LGSN: variants seen among roughly 807,000 people sequenced by gnomAD.
The protein encoded by LGSN is lengsin, lens protein with glutamine synthetase domain, also known as lengsin.
Under a neutral mutation model 19.5 loss-of-function variants are expected in LGSN, and 21 were observed. The observed-to-expected ratio is 1.07, with a 90% CI of 0.76 to 1.55. LGSN has a LOEUF of 1.55. Among genes scored for constraint, LGSN ranks in the 40% most tolerant of loss-of-function variants. LGSN has a pLI of 0.00. For synonymous variants in LGSN, 257 were observed against 215.6 expected, an observed-to-expected ratio of 1.19 and a Z score of -1.68; for missense variants, 673 against 608.5, an observed-to-expected ratio of 1.11 and a Z score of -1.12.
At chr6:63,536,506 G>A in the LGSN span, among the ~76,000 whole-genome samples, 10 of 152,062 alleles carry the variant, frequency 6.6e-5, no homozygotes, top group Non-Finnish European at 1.2e-4. Context: ...TTAAAACAGT[G>A]GTATTCAAAA....
Position 63,295,660 on chromosome 6 carries a change from T to C in LGSN, c.31-615A>G, listed in dbSNP as rs572791041. ...TATAGCTTAAGAAAATCTAAGGAAA[T>C]GCATTCAAAACAAAATAACCTAACT... is the stretch of plus-strand genomic sequence containing the variant. On this transcript the variant is annotated intron_variant, in intron 1 of 3. Transcript: ENST00000370657. 1.1e-4 allele frequency among the ~76,000 whole-genome samples: 16 copies of C among 152,240 alleles called. No individual in the cohort carries two copies. The South Asian group carries it at 3.1e-3, about 30-fold the overall frequency.
chr6:63,391,317 G>C, the LGSN span, among the ~76,000 whole-genome samples: 8 of 152,334 alleles, frequency 5.3e-5, no homozygotes, highest in African/African-American at 1.9e-4. Context: ...AAGAGGTTGT[G>C]TCTTAGCAAC....
chr6:63,282,316 A>G (rs1767350043), intron 3 of LGSN, among the ~76,000 whole-genome samples: 1 of 152,148 alleles, frequency 6.6e-6, no homozygotes, highest in South Asian at 2.1e-4. Context: ...ACACTCTAAC[A>G]ATCTGCAAGC....
chr6:63,331,697 C>T, the LGSN span, among the ~76,000 whole-genome samples: 1 of 152,200 alleles, frequency 6.6e-6, no homozygotes, highest in African/African-American at 2.4e-5. Context: ...AATAGCTGCA[C>T]TCACCTACGC....
chr6:63,412,396 A>G, the LGSN span, among the ~76,000 whole-genome samples: 1 of 138,028 alleles, frequency 7.2e-6, no homozygotes, highest in African/African-American at 3.2e-5. Flanking sequence ...GAGATGAAAG[A>G]AGGAAAGAAA....
the LGSN span, among the ~76,000 whole-genome samples, chr6:63,327,555 C>CT: frequency 1.3e-5 from 2 of 152,100 alleles, no homozygotes; most frequent in Admixed American, 1.3e-4. Flanking sequence ...ATTGGAGAGT[C>CT]GCTGCTGCCA....
the LGSN span, among the ~76,000 whole-genome samples, chr6:63,361,916 C>G: frequency 5.9e-3 from 895 of 152,252 alleles, 1 homozygote; most frequent in Non-Finnish European, 9.8e-3. Context: ...ATTATTTAAA[C>G]AATAAATATT....
At chr6:63,323,506 T>C (rs992074084), upstream of LGSN, among the ~76,000 whole-genome samples, 1 of 150,240 alleles carries the variant, frequency 6.7e-6, no homozygotes, top group African/African-American at 2.4e-5. Context: ...AATGGCATCA[T>C]TCTACTTATT....
the LGSN span, among the ~76,000 whole-genome samples, chr6:63,377,635 A>G: frequency 6.6e-6 from 1 of 152,152 alleles, no homozygotes; most frequent in Non-Finnish European, 1.5e-5. Flanking sequence ...CACTTGGGCC[A>G]GGCACGGTGG....
chr6:63,507,308 C>T, the LGSN span, among the ~76,000 whole-genome samples: 1 of 152,198 alleles, frequency 6.6e-6, no homozygotes, highest in Non-Finnish European at 1.5e-5. Flanking sequence ...ACTCCCCTCC[C>T]TTCATGAGGC....
At chr6:63,532,368 C>T in the LGSN span, among the ~76,000 whole-genome samples, 3 of 152,048 alleles carry the variant, frequency 2.0e-5, no homozygotes, top group South Asian at 4.2e-4. Context: ...GGATTCATAC[C>T]TCTCAAATCT....
the LGSN span, among the ~76,000 whole-genome samples, chr6:63,365,978 T>C: frequency 1.3e-5 from 2 of 152,124 alleles, no homozygotes; most frequent in South Asian, 2.1e-4. Flanking sequence ...CCACAGCCAA[T>C]ATCATACTGA....
At chr6:63,492,982 A>G in the LGSN span, among the ~76,000 whole-genome samples, 1 of 152,186 alleles carries the variant, frequency 6.6e-6, no homozygotes, top group African/African-American at 2.4e-5. Flanking sequence ...TTTACAGACT[A>G]TTCTGCTTTG....
the LGSN span, among the ~76,000 whole-genome samples, chr6:63,423,775 C>T: frequency 9.2e-5 from 14 of 152,226 alleles, no homozygotes; most frequent in South Asian, 6.2e-4. Flanking sequence ...TGATGGCTCA[C>T]GCCTATAATC....
the LGSN span, among the ~76,000 whole-genome samples, chr6:63,456,626 T>A: frequency 2.0e-5 from 3 of 151,980 alleles, no homozygotes; most frequent in Admixed American, 6.6e-5. Context: ...TATACCACAC[T>A]GCCCCTCATA....
At chr6:63,379,245 A>G in the LGSN span, among the ~76,000 whole-genome samples, 1 of 152,018 alleles carries the variant, frequency 6.6e-6, no homozygotes, top group Non-Finnish European at 1.5e-5. Flanking sequence ...TCATTCAGGC[A>G]TAGTCAGGCA....
the LGSN span, among the ~76,000 whole-genome samples, chr6:63,348,741 C>CTT: frequency 2.1e-4 from 22 of 106,690 alleles, no homozygotes; most frequent in Non-Finnish European, 3.6e-4. Flanking sequence ...AAGATTTTTA[C>CTT]TTTTTTTTTT....
At chr6:63,549,640 A>G in the LGSN span, 82 of 474,738 alleles carry the variant, frequency 1.7e-4, no homozygotes, top group East Asian at 2.6e-3. Flanking sequence ...CAAAAATGGA[A>G]TCCTGTCATT....
At chr6:63,423,996 T>TGCCAC in the LGSN span, among the ~76,000 whole-genome samples, 1 of 152,096 alleles carries the variant, frequency 6.6e-6, no homozygotes, top group Non-Finnish European at 1.5e-5. Flanking sequence ...GCCAAGATCA[T>TGCCAC]GCCACTACAC....
Sources: allele counts gnomAD v4.1 joint callset (sites outside exome capture counted in the v4.1 genomes callset), GRCh38; gene constraint gnomAD v4.1.1; transcripts MANE v1.5; gene names NCBI Gene and HGNC (gene_info 2026-07-23, HGNC 2026-07-21).